FLRT1: variants seen among roughly 807,000 people sequenced by gnomAD.
FLRT1 encodes the protein leucine-rich repeat transmembrane protein FLRT1.
FLRT1 carries 14 observed loss-of-function variants against 30.9 expected under a neutral mutation model. The observed-to-expected ratio is 0.45, with a 90% CI of 0.30 to 0.71. FLRT1 has a LOEUF of 0.71. FLRT1 is among the 30% of genes least tolerant of loss of function. FLRT1 has a pLI of 0.08. For missense variants in FLRT1, 737 were observed against 949.2 expected (o/e 0.78, Z 2.94); for synonymous variants, 368 against 430.4 (o/e 0.85, Z 1.80).
chr11:64,099,403 C>A (rs1944632234), intron 1 of FLRT1, among the ~76,000 whole-genome samples: 1 of 152,136 alleles, frequency 6.6e-6, no homozygotes, highest in South Asian at 2.1e-4. Flanking sequence ...TGATTAGACT[C>A]AGAATATGTT....
At chr11:64,056,545 G>A (rs189109894) in intron 1 of FLRT1, among the ~76,000 whole-genome samples, 64 of 152,330 alleles carry the variant, frequency 4.2e-4, no homozygotes, top group African/African-American at 1.4e-3. Flanking sequence ...GCAACAGCCG[G>A]GGGCCTGGCC....
chr11:64,035,992 C>G lies in FLRT1; in HGVS notation c.-1205C>G, dbSNP rs1051628286. The G allele has an allele frequency of 1.3e-4, 19 of 150,312 alleles. No individual in the cohort carries two copies. Among genetic ancestry groups the G allele is most frequent in the Non-Finnish European group, 2.2e-4 (15 of 67,462 alleles). 9.3% of individuals were successfully genotyped at this position (150,312 alleles called of 1,614,324 possible). On this transcript the variant is annotated 5_prime_UTR_variant, in exon 1 of 3. Transcript: ENST00000682287. The stretch of plus-strand genomic sequence containing the variant: ...GGCAGATGCGCCGCCGCGCGCCCCC[C>G]GCTCCGGGCCCGCCACCGTGCTCTG...
At chr11:64,086,703 G>A (rs1009712328) in intron 1 of FLRT1, among the ~76,000 whole-genome samples, 1 of 152,190 alleles carries the variant, frequency 6.6e-6, no homozygotes, top group Non-Finnish European at 1.5e-5. Flanking sequence ...GAGAGGGGGA[G>A]AAGGGCATGA....
intron 1 of FLRT1, among the ~76,000 whole-genome samples, chr11:64,061,090 A>G (rs909400764): frequency 6.6e-6 from 1 of 152,070 alleles, no homozygotes; most frequent in Non-Finnish European, 1.5e-5. Context: ...ACCACCTGAG[A>G]GCCTCGCGCT....
chr11:64,049,168 T>C (rs1298872190), intron 1 of FLRT1, among the ~76,000 whole-genome samples: 1 of 152,120 alleles, frequency 6.6e-6, no homozygotes, highest in Non-Finnish European at 1.5e-5. Context: ...TCTGGGGGAC[T>C]TCAGGGCTGA....
intron 1 of FLRT1, among the ~76,000 whole-genome samples, chr11:64,056,769 G>A (rs888350028): frequency 2.0e-5 from 3 of 152,186 alleles, no homozygotes; most frequent in Non-Finnish European, 4.4e-5. Flanking sequence ...GTGGGATGGG[G>A]TAGTGCGAAC....
At chr11:64,047,043 C>G (rs1466271511) in intron 1 of FLRT1, among the ~76,000 whole-genome samples, 1 of 152,112 alleles carries the variant, frequency 6.6e-6, no homozygotes, top group East Asian at 1.9e-4. Flanking sequence ...GCCCCAGTGC[C>G]CCCCCCGGCT....
At position 64,049,158 on chromosome 11, in the gene FLRT1, T is replaced by C. The variant is rs1022214799; in HGVS notation, c.-1038+12999T>C. On this transcript the variant is annotated intron_variant, in intron 1 of 2. Transcript: ENST00000682287. ...GAAAAGTGACAGAGCCCCTGAGAGGTCTGGGGGACTTCAGGGCTGAGCCAC... is the reference window on the plus strand; with the variant it reads ...GAAAAGTGACAGAGCCCCTGAGAGGCCTGGGGGACTTCAGGGCTGAGCCAC... 2.6e-5 allele frequency among the ~76,000 whole-genome samples: 4 copies of C among 151,996 alleles called. No homozygotes were observed. The East Asian group carries it at 7.7e-4, about 29-fold the overall frequency.
chr11:64,084,871 A>G (rs1565225241), intron 1 of FLRT1, among the ~76,000 whole-genome samples: 1 of 152,216 alleles, frequency 6.6e-6, no homozygotes, highest in African/African-American at 2.4e-5. Context: ...CAGGACTCAC[A>G]GGGAGAGCTG....
intron 1 of FLRT1, among the ~76,000 whole-genome samples, chr11:64,070,191 C>T (rs964993532): frequency 1.3e-5 from 2 of 152,118 alleles, no homozygotes; most frequent in Non-Finnish European, 2.9e-5. Context: ...GCTGGTTGGG[C>T]GACAGAGATG....
At chr11:64,059,378 G>A (rs893082611) in intron 1 of FLRT1, among the ~76,000 whole-genome samples, 2 of 152,202 alleles carry the variant, frequency 1.3e-5, no homozygotes, top group African/African-American at 4.8e-5. Context: ...TCGCAGCCCA[G>A]CAGGCTGCCC....
chr11:64,051,335 C>T (rs546006923), intron 1 of FLRT1, among the ~76,000 whole-genome samples: 15 of 152,318 alleles, frequency 9.8e-5, no homozygotes, highest in Admixed American at 8.5e-4. Flanking sequence ...CCTCTGGGTG[C>T]TGATGTGGTG....
At chr11:64,095,149 G>A (rs562556755) in intron 1 of FLRT1, among the ~76,000 whole-genome samples, 26 of 152,330 alleles carry the variant, frequency 1.7e-4, no homozygotes, top group African/African-American at 5.1e-4. Flanking sequence ...GGGAAGGAAC[G>A]ACATTCCACT....
chr11:64,049,093 GGGTGA>G (rs1943641993), intron 1 of FLRT1, among the ~76,000 whole-genome samples: 1 of 152,202 alleles, frequency 6.6e-6, no homozygotes, highest in Non-Finnish European at 1.5e-5. Context: ...TGCACTTTGT[GGGTGA>G]GGTATTACAT....
At chr11:64,081,269 A>G (rs995477834) in intron 1 of FLRT1, among the ~76,000 whole-genome samples, 6 of 152,108 alleles carry the variant, frequency 3.9e-5, no homozygotes, top group Non-Finnish European at 8.8e-5. Context: ...TGATCTGCCC[A>G]CCTCGGCCTC....
At chr11:64,041,360 C>CGCCTGGGAAATGCT (rs1017897713) in intron 1 of FLRT1, among the ~76,000 whole-genome samples, 3 of 151,890 alleles carry the variant, frequency 2.0e-5, no homozygotes, top group African/African-American at 7.3e-5. Context: ...CCCCCCGTGA[C>CGCCTGGGAAATGCT]GCCTGGGAAA....
chr11:64,101,199 G>T (rs988768025), intron 1 of FLRT1, among the ~76,000 whole-genome samples: 3 of 152,144 alleles, frequency 2.0e-5, no homozygotes, highest in Non-Finnish European at 2.9e-5. Flanking sequence ...ACAGTGAAGG[G>T]CCAGGCTGGA....
chr11:64,096,991 G>A lies in FLRT1; in HGVS notation c.-1037-6203G>A, dbSNP rs987922546. ...CGGGAGTTCCTGCCTACCCTTGCTG[G>A]GAGGAGATTGCAAAGGCACAAGAGC... On this transcript the variant is annotated intron_variant, in intron 1 of 2. Transcript: ENST00000682287. This position sits in a 1 kb window ranked among gnomAD's most constrained non-coding sequence, Gnocchi z 4.6. Among the ~76,000 whole-genome samples the A allele has an allele frequency of 1.3e-5, 2 of 152,186 alleles. No individual in the cohort carries two copies. The highest frequency in any genetic ancestry group is 4.8e-5 in the African/African-American group (2 of 41,442).
At chr11:64,070,988 A>G (rs1211548451) in intron 1 of FLRT1, among the ~76,000 whole-genome samples, 1 of 152,084 alleles carries the variant, frequency 6.6e-6, no homozygotes, top group Non-Finnish European at 1.5e-5. Flanking sequence ...GGGTTTGACT[A>G]TTCAATCCTC....
Sources: gnomAD v4.1 joint callset for allele counts (sites outside exome capture counted in the v4.1 genomes callset) on GRCh38, gnomAD v4.1.1 for gene constraint, Gnocchi (gnomAD v3.1) non-coding constraint, MANE v1.5 for transcripts, NCBI Gene and HGNC (gene_info 2026-07-23, HGNC 2026-07-21) for gene names.